Variants in ZNF280D observed in about 807,000 individuals in gnomAD.
The protein encoded by ZNF280D is suppressor of hairy wing homolog 4.
Under a neutral mutation model 94.7 loss-of-function variants are expected in ZNF280D, and 39 were observed. That is an observed-to-expected ratio of 0.41 (90% CI 0.32 to 0.54). ZNF280D has a LOEUF of 0.54. ZNF280D is among the 20% of genes least tolerant of loss of function. The pLI is 0.22. For missense variants in ZNF280D, 1,090 were observed against 1,149.3 expected (o/e 0.95, Z 0.75); for synonymous variants, 398 against 377.6 (o/e 1.05, Z -0.63).
chr15:56,722,285 G>A (rs2058408627), intron 1 of ZNF280D, among the ~76,000 whole-genome samples: 1 of 152,162 alleles, frequency 6.6e-6, no homozygotes, highest in South Asian at 2.1e-4. Flanking sequence ...TTACAAAAAT[G>A]TGACAGAGAC....
At position 56,677,633 on chromosome 15, in the gene ZNF280D, C is replaced by T. The variant is rs745332905; in HGVS notation, c.1204G>A (p.Val402Ile). The change falls in exon 12 of 22, where the codon GTT (valine) becomes ATT (isoleucine). Residue 402 changes from valine to isoleucine, a missense_variant. Around this residue, in one of 3 missense-constraint regions of ZNF280D, gnomAD observed 127 missense variants for 208.6 expected, o/e 0.61. Coordinates refer to ENST00000267807, the MANE Select transcript of ZNF280D (RefSeq NM_017661.4). ...TTGTCCTTCATATGTTGTAAAAGAACATGTTCTGTTTCAAATGACAATTCA... is the reference window on the plus strand; with the variant it reads ...TTGTCCTTCATATGTTGTAAAAGAATATGTTCTGTTTCAAATGACAATTCA... ...ICELSFETEH[V>I]LLQHMKDNHK... The T allele has an allele frequency of 1.9e-6, 3 of 1,607,308 alleles. No individual in the cohort carries two copies. The highest frequency in any genetic ancestry group is 2.5e-6 in the Non-Finnish European group (3 of 1,176,732).
chr15:56,637,691 C>T (rs12903862), intron 20 of ZNF280D, among the ~76,000 whole-genome samples: 71,705 of 151,784 alleles, frequency 0.47, 18,714 homozygotes, highest in East Asian at 0.6. Context: ...TTTCAGGAGG[C>T]ATCTGAAGTC....
chr15:56,664,423 C>T (rs1180757910), intron 16 of ZNF280D, among the ~76,000 whole-genome samples: 3 of 151,924 alleles, frequency 2.0e-5, no homozygotes, highest in Non-Finnish European at 4.4e-5. Context: ...AGATGAAGAT[C>T]CAAGTTAACT....
At chr15:56,701,279 T>A in intron 4 of ZNF280D, 41 bp from the exon 5 acceptor site, 1 of 1,267,192 alleles carries the variant, frequency 7.9e-7, no homozygotes, top group Non-Finnish European at 1.1e-6. Flanking sequence ...ATTGTTTGAA[T>A]GAAATACATA....
intron 6 of ZNF280D, among the ~76,000 whole-genome samples, chr15:56,694,900 G>A (rs1296714045): frequency 6.6e-6 from 1 of 152,116 alleles, no homozygotes; most frequent in Non-Finnish European, 1.5e-5. Context: ...TGGGTAAGGG[G>A]TATATGGGAA....
At chr15:56,729,635 G>A (rs1567053309) in intron 1 of ZNF280D, 3 of 152,190 alleles carry the variant, frequency 2.0e-5, no homozygotes, top group Admixed American at 1.3e-4. Context: ...TATTAGTTCA[G>A]AGTATACTTT....
rs556356521 is a variant in ZNF280D at position 56,650,729 on chromosome 15, G to T, written c.2213+3469C>A. ...ATTCTCAACTTTTTGTCAAGAAAAA[G>T]AAACTTACAAAACTCAAACCTTTAC... is the stretch of plus-strand genomic sequence containing the variant. On this transcript the variant is annotated intron_variant, in intron 19 of 21. Coordinates refer to ENST00000267807, the MANE Select transcript of ZNF280D (RefSeq NM_017661.4). Among the ~76,000 whole-genome samples, 3 of 152,134 alleles carry T rather than the reference G, an allele frequency of 2.0e-5. No homozygotes were observed. The South Asian group carries it at 6.2e-4, about 32-fold the overall frequency.
intron 1 of ZNF280D, among the ~76,000 whole-genome samples, chr15:56,718,123 A>T (rs1192640804): frequency 6.6e-6 from 1 of 152,186 alleles, no homozygotes; most frequent in Non-Finnish European, 1.5e-5. Flanking sequence ...CAGTAAAAAA[A>T]AAAATTCTAA....
At chr15:56,678,638 A>G in intron 11 of ZNF280D, 26 bp downstream of exon 11, 1 of 1,510,176 alleles carries the variant, frequency 6.6e-7, no homozygotes. Flanking sequence ...AATAATATGG[A>G]ATATTTAAAT....
intron 7 of ZNF280D, among the ~76,000 whole-genome samples, chr15:56,689,774 A>T (rs1391008421): frequency 3.9e-5 from 6 of 152,026 alleles, no homozygotes; most frequent in Admixed American, 2.0e-4. Flanking sequence ...CCAATATTCC[A>T]AGCCAAAAAA....
At chr15:56,729,878 T>A (rs1293751052) in intron 1 of ZNF280D, 1 of 152,244 alleles carries the variant, frequency 6.6e-6, no homozygotes, top group Non-Finnish European at 1.5e-5. Context: ...ATGCAAAGCG[T>A]TCAAATGTGA....
intron 13 of ZNF280D, among the ~76,000 whole-genome samples, chr15:56,675,125 T>C (rs1425286992): frequency 6.6e-6 from 1 of 151,888 alleles, no homozygotes; most frequent in Non-Finnish European, 1.5e-5. Context: ...AAAAAGAAAA[T>C]TGGCAGCCAT....
chr15:56,644,904 T>A (rs2052804556), intron 19 of ZNF280D, among the ~76,000 whole-genome samples: 1 of 152,196 alleles, frequency 6.6e-6, no homozygotes, highest in Admixed American at 6.5e-5. Context: ...TTCAATCTTG[T>A]TTTGTGCCTT....
At position 56,684,120 on chromosome 15, in the gene ZNF280D, G is replaced by T. The variant is rs146421511; in HGVS notation, c.781-1643C>A. ...AAGCAGAAAGGCGGTGCTACATAAA[G>T]AATCAGACACACAAGTCACAATTGC... On this transcript the variant is annotated intron_variant, in intron 9 of 21. Transcript: ENST00000267807. 1.7e-3 allele frequency among the ~76,000 whole-genome samples: 255 copies of T among 152,260 alleles called. 1 individual carries two copies. Among genetic ancestry groups the T allele is most frequent in the African/African-American group, 5.8e-3 (241 of 41,540 alleles).
chr15:56,718,621 G>A (rs1241540096), intron 1 of ZNF280D, among the ~76,000 whole-genome samples: 1 of 152,094 alleles, frequency 6.6e-6, no homozygotes, highest in African/African-American at 2.4e-5. Context: ...TTTTCACACA[G>A]GGTACAGGGA....
At chr15:56,670,040 ACT>A (rs557113231) in intron 13 of ZNF280D, among the ~76,000 whole-genome samples, 10 of 17,028 alleles carry the variant, frequency 5.9e-4, no homozygotes, top group South Asian at 3.1e-3. Flanking sequence ...TAGAGAAACC[ACT>A]CTTTTGTAGT....
At chr15:56,706,959 T>C (rs1355164121) in intron 3 of ZNF280D, 123 bp downstream of exon 3, 2 of 843,674 alleles carry the variant, frequency 2.4e-6, no homozygotes, top group East Asian at 5.2e-5. Flanking sequence ...GAACATTTGT[T>C]ACTTTAACAA....
At chr15:56,638,320 G>C (rs1447591171) in intron 20 of ZNF280D, among the ~76,000 whole-genome samples, 1 of 152,114 alleles carries the variant, frequency 6.6e-6, no homozygotes, top group African/African-American at 2.4e-5. Context: ...ATTAGGCATG[G>C]ATAAAAGATC....
intron 13 of ZNF280D, among the ~76,000 whole-genome samples, chr15:56,673,018 C>T (rs1287122448): frequency 6.6e-6 from 1 of 151,802 alleles, no homozygotes; most frequent in African/African-American, 2.4e-5. Flanking sequence ...CTTATATGTG[C>T]TCAAGGAAGA....
Sources: allele counts gnomAD v4.1 joint callset (sites outside exome capture counted in the v4.1 genomes callset), GRCh38; gene constraint gnomAD v4.1.1; regional missense constraint gnomAD v4.1.1; transcripts MANE v1.5; gene names NCBI Gene and HGNC (gene_info 2026-07-23, HGNC 2026-07-21).